The following GNB4 variants were observed in gnomAD, a reference collection of about 807,000 sequenced individuals.
GNB4 encodes G protein subunit beta 4.
A neutral mutation model predicts 45.2 loss-of-function variants in GNB4; 28 were observed. The observed-to-expected ratio is 0.62, with a 90% confidence interval of 0.46 to 0.85. The LOEUF (loss-of-function observed/expected upper bound fraction) is 0.85, where lower values mean the gene tolerates loss of function less well. Ranked by LOEUF, GNB4 falls within the 40% of genes least tolerant of loss-of-function variation. GNB4 has a pLI of 0.00. For missense variants in GNB4, 321 were observed against 425.4 expected, an observed-to-expected ratio of 0.75 and a Z score of 2.16; for synonymous variants, 132 against 143.7, an observed-to-expected ratio of 0.92 and a Z score of 0.58.
chr3:179,458,257 C>T, the GNB4 span, among the ~76,000 whole-genome samples: 98 of 152,298 alleles, frequency 6.4e-4, no homozygotes, highest in African/African-American at 2.3e-3. Context: ...TCTACCACTT[C>T]ACCATCCAAA....
the GNB4 span, among the ~76,000 whole-genome samples, chr3:179,499,247 T>A: frequency 2.1e-5 from 3 of 145,374 alleles, no homozygotes; most frequent in Non-Finnish European, 4.5e-5. Flanking sequence ...AAGCTCCGCC[T>A]CCCAGGTTCA....
the GNB4 span, among the ~76,000 whole-genome samples, chr3:179,480,679 A>G: frequency 3.3e-5 from 5 of 152,154 alleles, no homozygotes; most frequent in Admixed American, 6.5e-5. Context: ...TTGATAAGAT[A>G]GTGTGTAAAG....
At chr3:179,407,032 A>G (rs894345709) in intron 8 of GNB4, among the ~76,000 whole-genome samples, 1 of 152,250 alleles carries the variant, frequency 6.6e-6, no homozygotes, top group Non-Finnish European at 1.5e-5. Flanking sequence ...TTCTGCTTCC[A>G]GCCAAAATGG....
At chr3:179,489,680 C>T in the GNB4 span, among the ~76,000 whole-genome samples, 7 of 152,092 alleles carry the variant, frequency 4.6e-5, no homozygotes, top group Non-Finnish European at 7.4e-5. Flanking sequence ...AAGAAATATG[C>T]TATTTCTGCA....
the GNB4 span, among the ~76,000 whole-genome samples, chr3:179,516,454 T>A: frequency 6.6e-6 from 1 of 152,156 alleles, no homozygotes; most frequent in Non-Finnish European, 1.5e-5. Flanking sequence ...ACTCAGGGAA[T>A]GTGAATAAAG....
chr3:179,441,877 G>A (rs541598510), intron 1 of GNB4, among the ~76,000 whole-genome samples: 1 of 152,032 alleles, frequency 6.6e-6, no homozygotes, highest in Non-Finnish European at 1.5e-5. Flanking sequence ...ACACGATCTC[G>A]GCTCACTGCA....
intron 1 of GNB4, among the ~76,000 whole-genome samples, chr3:179,437,238 A>T (rs1387597095): frequency 1.3e-5 from 2 of 152,198 alleles, no homozygotes; most frequent in Non-Finnish European, 2.9e-5. Flanking sequence ...CAGAGTCAAG[A>T]ATTAAAATTT....
the GNB4 span, among the ~76,000 whole-genome samples, chr3:179,508,932 G>GTATGTATATATA: frequency 9.8e-6 from 1 of 102,176 alleles, no homozygotes; most frequent in African/African-American, 4.6e-5. Context: ...TTCAGCATGT[G>GTATGTATATATA]TATATATATA....
chr3:179,405,515 G>C, intron 8 of GNB4, 109 bp from the exon 9 acceptor site: 1 of 706,570 alleles, frequency 1.4e-6, no homozygotes, highest in Non-Finnish European at 2.3e-6. Context: ...CTACCTACCA[G>C]GTGAGCGATG....
chr3:179,396,438 T>TG lies in GNB4; in HGVS notation c.*4774dup, dbSNP rs1041833640. 1.3e-5 allele frequency: 2 copies of TG among 152,194 alleles called. No individual in the cohort carries two copies. Among genetic ancestry groups the TG allele is most frequent in the African/African-American group, 4.8e-5 (2 of 41,466 alleles). 9.4% of individuals were successfully genotyped at this position (152,194 alleles called of 1,614,324 possible). A position where few individuals can be genotyped will look rare whatever the true frequency, so the allele number is the denominator to read the frequency against. ...TTGGATAGGAAAATAGAAATGCAAG[T>TG]GTTCAGATGCTTCTTTGAAAAGAAA... On this transcript the variant is annotated 3_prime_UTR_variant, in exon 10 of 10. Transcript: ENST00000232564.
Position 179,405,177 on chromosome 3 carries a change from CTTA to C in GNB4, c.916+10_916+12del. ...CCTGAAAATCAGAACCTAATGTGGA[CTTA>C]TTTACTAACCTGCACGATCTCCTTT... On this transcript the variant is annotated intron_variant, in intron 9 of 9. Coordinates refer to ENST00000232564, the MANE Select transcript of GNB4 (RefSeq NM_021629.4). 1 of 1,601,898 alleles carries C rather than the reference CTTA, an allele frequency of 6.2e-7. No homozygotes were observed. The highest frequency in any genetic ancestry group is 8.5e-7 in the Non-Finnish European group (1 of 1,171,182).
rs1277958328 is a variant in GNB4, at chr3:179,398,828, A to G, written c.*2385T>C. 5 of 146,640 alleles carry G rather than the reference A, an allele frequency of 3.4e-5. No individual in the cohort carries two copies. The East Asian group carries it at 8.2e-4, about 24-fold the overall frequency. 9.1% of individuals were successfully genotyped at this position (146,640 alleles called of 1,614,324 possible). On this transcript the variant is annotated 3_prime_UTR_variant, in exon 10 of 10. Transcript: ENST00000232564. ...CATTTGTTTATGTGTATAATTAACC[A>G]CAAGTGTTAAATAGTTTTTAGTTGC...
Position 179,426,252 on chromosome 3 carries a change from A to T in GNB4, c.-42-10T>A. ...TAATGAGTGAAAACAGCTGTTAAAA[A>T]ACAGAGAGCAAGAGAAAGATTCAGT... On this transcript the variant is annotated splice_polypyrimidine_tract_variant and intron_variant, in intron 1 of 9. Transcript: ENST00000232564. 7.5e-7 allele frequency: 1 copy of T among 1,327,120 alleles called. No homozygotes were observed. The highest frequency in any genetic ancestry group is 1.5e-5 in the African/African-American group (1 of 67,054). The allele number at this position is 1,327,120 out of a possible 1,614,324, so 82.2% of individuals were successfully genotyped here.
chr3:179,470,805 C>T, the GNB4 span, among the ~76,000 whole-genome samples: 5 of 151,968 alleles, frequency 3.3e-5, no homozygotes, highest in Admixed American at 2.0e-4. Flanking sequence ...TATAGCTGTA[C>T]AGTGTGTCTG....
upstream of GNB4, among the ~76,000 whole-genome samples, chr3:179,455,980 GTGT>G (rs1466033964): frequency 6.6e-6 from 1 of 152,200 alleles, no homozygotes; most frequent in African/African-American, 2.4e-5. Flanking sequence ...CTAAGAGCAA[GTGT>G]TCCAAGAGAA....
At chr3:179,460,983 G>A in the GNB4 span, among the ~76,000 whole-genome samples, 1 of 152,160 alleles carries the variant, frequency 6.6e-6, no homozygotes, top group Admixed American at 6.5e-5. Flanking sequence ...CAGGCACAAG[G>A]AACAGCTTAC....
the GNB4 span, among the ~76,000 whole-genome samples, chr3:179,496,767 G>A: frequency 3.3e-5 from 5 of 151,996 alleles, no homozygotes; most frequent in African/African-American, 1.2e-4. Flanking sequence ...TAATGATAAA[G>A]GGATCAATTT....
chr3:179,495,128 C>G, the GNB4 span, among the ~76,000 whole-genome samples: 2 of 151,942 alleles, frequency 1.3e-5, no homozygotes, highest in Middle Eastern at 3.4e-3. Context: ...TGGCGTGTGT[C>G]CATAGTCATA....
At chr3:179,519,544 C>T in the GNB4 span, among the ~76,000 whole-genome samples, 2 of 152,200 alleles carry the variant, frequency 1.3e-5, no homozygotes. Context: ...AACTCCCCAA[C>T]TCTGGTGCCA....
Sources: allele counts gnomAD v4.1 joint callset (sites outside exome capture counted in the v4.1 genomes callset), GRCh38; gene constraint gnomAD v4.1.1; transcripts MANE v1.5; gene names NCBI Gene and HGNC (gene_info 2026-07-23, HGNC 2026-07-21).